DNAH11: variants seen among roughly 807,000 people sequenced by gnomAD.
DNAH11 encodes the protein dynein axonemal heavy chain 11.
A neutral mutation model predicts 526.0 loss-of-function variants in DNAH11; 442 were observed. The observed-to-expected ratio is 0.84, with a 90% confidence interval of 0.78 to 0.91. The LOEUF (loss-of-function observed/expected upper bound fraction) is 0.91. Ranked by LOEUF, DNAH11 falls within the 40% of genes least tolerant of loss-of-function variation. The pLI is 0.00. For synonymous variants in DNAH11, 2,461 were observed against 1,935.9 expected (o/e 1.27, Z -7.12); for missense variants, 6,989 against 5,448.7 (o/e 1.28, Z -8.90).
At position 21,617,613 on chromosome 7, in the gene DNAH11, CT is replaced by C. The variant is rs779281205; in HGVS notation, c.4096-3del. 1.9e-6 allele frequency: 3 copies of C among 1,613,508 alleles called. No individual in the cohort carries two copies. In the East Asian group the frequency reaches 6.7e-5, roughly 36 times the overall value. On this transcript the variant is annotated splice_polypyrimidine_tract_variant and splice_region_variant and intron_variant, in intron 22 of 81. Coordinates refer to ENST00000409508, the MANE Select transcript of DNAH11 (RefSeq NM_001277115.2). ...GAGCTAGGTTTTTTCCTCCACTTTT[CT>C]TTAGGAAATTTGGTCACTCAACAAG...
At chr7:21,659,536 T>G in intron 30 of DNAH11, among the ~76,000 whole-genome samples, 1 of 152,068 alleles carries the variant, frequency 6.6e-6, no homozygotes. Context: ...TCTTAATATG[T>G]GCTGTGAGCT....
chr7:21,796,819 A>G (rs1480826150), intron 61 of DNAH11, among the ~76,000 whole-genome samples: 1 of 152,362 alleles, frequency 6.6e-6, no homozygotes, highest in Middle Eastern at 3.4e-3. Flanking sequence ...CGAACTGATC[A>G]AATGCATTAA....
intron 30 of DNAH11, among the ~76,000 whole-genome samples, chr7:21,671,993 A>G (rs1782659102): frequency 6.6e-6 from 1 of 152,176 alleles, no homozygotes; most frequent in South Asian, 2.1e-4. Flanking sequence ...GAGGACAACA[A>G]ACTGAGATTC....
intron 44 of DNAH11, among the ~76,000 whole-genome samples, chr7:21,724,808 G>GGAGTCACTGGGCC (rs1298180105): frequency 6.3e-3 from 251 of 40,122 alleles, no homozygotes; most frequent in East Asian, 0.013. Flanking sequence ...TGGATGCATA[G>GGAGTCACTGGGCC]AGGTATCACT....
intron 63 of DNAH11, among the ~76,000 whole-genome samples, chr7:21,809,703 A>G (rs1789423841): frequency 6.6e-6 from 1 of 151,972 alleles, no homozygotes; most frequent in Non-Finnish European, 1.5e-5. Flanking sequence ...AGCTGGGATT[A>G]CAGGCACCCG....
chr7:21,635,899 A>T lies in DNAH11; in HGVS notation c.4529A>T (p.Lys1510Met), dbSNP rs753342468. Reference protein sequence around the residue: ...QVQLQTLLQSKYVEYFIEQVL... With the variant: ...QVQLQTLLQSMYVEYFIEQVL... ...CAGTTGCAGACTCTTCTTCAAAGCAAGTATGTAGAATATTTCATTGAGCAA... is the reference window on the plus strand; with the variant it reads ...CAGTTGCAGACTCTTCTTCAAAGCATGTATGTAGAATATTTCATTGAGCAA... The change falls in exon 26 of 82, where the codon AAG (lysine) becomes ATG (methionine). Residue 1510 changes from lysine to methionine, a missense_variant. Transcript: ENST00000409508. 37 of 1,612,290 alleles carry T rather than the reference A, an allele frequency of 2.3e-5. No individual in the cohort carries two copies. Among genetic ancestry groups the T allele is most frequent in the Middle Eastern group, 3.3e-4 (2 of 6,082 alleles).
chr7:21,838,952 A>C (rs915388023), intron 65 of DNAH11, among the ~76,000 whole-genome samples: 1 of 152,118 alleles, frequency 6.6e-6, no homozygotes, highest in African/African-American at 2.4e-5. Context: ...TTATGTTCCC[A>C]TTAGCAGTGT....
chr7:21,547,977 C>A (rs1043730066), intron 2 of DNAH11, among the ~76,000 whole-genome samples: 1 of 152,142 alleles, frequency 6.6e-6, no homozygotes, highest in Non-Finnish European at 1.5e-5. Context: ...GTGCTAGTCC[C>A]CTTACACAGG....
At chr7:21,900,486 C>G (rs145102045) in intron 81 of DNAH11, among the ~76,000 whole-genome samples, 2,340 of 104,504 alleles carry the variant, frequency 0.022, 67 homozygotes, top group African/African-American at 0.065. Flanking sequence ...TGTTTTACTA[C>G]AAGACTTCTC....
At chr7:21,720,001 C>T (rs916577299) in intron 43 of DNAH11, among the ~76,000 whole-genome samples, 11 of 152,198 alleles carry the variant, frequency 7.2e-5, no homozygotes, top group Admixed American at 3.9e-4. Context: ...TCATTGCTGG[C>T]GCAACTGCCC....
rs761214072 is a variant in DNAH11 at position 21,589,409 on chromosome 7, G to T, written c.2169+6G>T. On this transcript the variant is annotated splice_donor_region_variant and intron_variant, in intron 12 of 81. Transcript: ENST00000409508. ...GTGTCAATTTTGACCCAAAGGTAGG[G>T]ATTTGATTTTTTAAGATGATTTATA... 9.0e-5 allele frequency: 143 copies of T among 1,587,160 alleles called. 2 individuals are homozygous for T. The South Asian group carries it at 1.7e-3, about 18-fold the overall frequency.
At chr7:21,614,277 T>C (rs1457779830) in intron 20 of DNAH11, among the ~76,000 whole-genome samples, 1 of 152,164 alleles carries the variant, frequency 6.6e-6, no homozygotes, top group African/African-American at 2.4e-5. Flanking sequence ...GTCAAATCCT[T>C]CTTTTGCAAA....
At chr7:21,796,893 ATTTT>A (rs965567571) in intron 61 of DNAH11, among the ~76,000 whole-genome samples, 1 of 152,024 alleles carries the variant, frequency 6.6e-6, no homozygotes, top group Admixed American at 6.6e-5. Flanking sequence ...GTTAGTTGTT[ATTTT>A]TTTATTTTAT....
At chr7:21,766,927 C>T (rs951131483) in intron 55 of DNAH11, among the ~76,000 whole-genome samples, 10 of 152,248 alleles carry the variant, frequency 6.6e-5, no homozygotes, top group Admixed American at 3.9e-4. Context: ...TCATATACCT[C>T]CCCTGTCCTT....
At chr7:21,734,893 C>A (rs540442918) in intron 45 of DNAH11, among the ~76,000 whole-genome samples, 1 of 151,530 alleles carries the variant, frequency 6.6e-6, no homozygotes, top group Non-Finnish European at 1.5e-5. Context: ...CACAATCAAC[C>A]GGGTGCAGTG....
chr7:21,852,323 C>A lies in DNAH11; in HGVS notation c.10897-144C>A. The stretch of plus-strand genomic sequence containing the variant: ...TCGGGAGGCTGAGGCAGGAGAATCG[C>A]TTTAACCCAGGAGGCACACGTCGCA... On this transcript the variant is annotated intron_variant, in intron 66 of 81. Coordinates refer to ENST00000409508, the MANE Select transcript of DNAH11 (RefSeq NM_001277115.2). 3 of 729,424 alleles carry A rather than the reference C, an allele frequency of 4.1e-6. No homozygotes were observed. The South Asian group carries it at 7.2e-5, about 18-fold the overall frequency. The allele number at this position is 729,424 out of a possible 1,614,324, so 45.2% of individuals were successfully genotyped here. A position where few individuals can be genotyped will look rare whatever the true frequency, so the allele number is the denominator to read the frequency against.
intron 29 of DNAH11, 79 bp from the exon 30 acceptor site, chr7:21,658,719 G>T (rs1782121149): frequency 8.1e-7 from 1 of 1,229,948 alleles, no homozygotes; most frequent in Non-Finnish European, 1.1e-6. Context: ...CCCTCTGCGT[G>T]GCCTTAGAGC....
rs776996018 is a variant in DNAH11 at position 21,851,750 on chromosome 7, T to A, written c.10897-717T>A. The A allele has an allele frequency of 2.2e-4, 100 of 447,624 alleles. 1 individual carries two copies. Among genetic ancestry groups the A allele is most frequent in the Admixed American group, 1.5e-4 (6 of 40,266 alleles). 27.7% of individuals were successfully genotyped at this position (447,624 alleles called of 1,614,324 possible). ...CCGAGAAGCTGTGATTCTCTGTGTT[T>A]GCCTGTTTTTAGGATGGCAATTTGT... On this transcript the variant is annotated intron_variant, in intron 66 of 81. Transcript: ENST00000409508.
chr7:21,620,592 T>G (rs1017415575), intron 25 of DNAH11, among the ~76,000 whole-genome samples: 4 of 152,072 alleles, frequency 2.6e-5, no homozygotes, highest in Non-Finnish European at 5.9e-5. Context: ...ACTTTAAGTT[T>G]TAGGGTACAC....
Sources: gnomAD v4.1 joint callset for allele counts (sites outside exome capture counted in the v4.1 genomes callset) on GRCh38, gnomAD v4.1.1 for gene constraint, MANE v1.5 for transcripts, NCBI Gene and HGNC (gene_info 2026-07-23, HGNC 2026-07-21) for gene names.